The following CSMD2 variants were observed in gnomAD, a reference collection of about 807,000 sequenced individuals.
CSMD2 encodes the protein CUB and sushi domain-containing protein 2.
In CSMD2, 130 loss-of-function variants were observed where a neutral mutation model predicts 398.5. That is an observed-to-expected ratio of 0.33 (90% CI 0.28 to 0.38). The LOEUF (loss-of-function observed/expected upper bound fraction) is 0.38, where lower values mean the gene tolerates loss of function less well. CSMD2 is among the 10% of genes least tolerant of loss of function. The pLI, the probability that CSMD2 is intolerant of heterozygous loss-of-function variation, is 1.00. For synonymous variants in CSMD2, 1,828 were observed against 1,908.5 expected (o/e 0.96, Z 1.10); for missense variants, 3,829 against 4,764.9 (o/e 0.80, Z 5.78).
At chr1:33,837,579 G>C (rs528753403) in intron 6 of CSMD2, among the ~76,000 whole-genome samples, 2 of 152,272 alleles carry the variant, frequency 1.3e-5, no homozygotes, top group East Asian at 3.9e-4. Context: ...GCTGCTTCTC[G>C]TACTGTGCCC....
In CSMD2 at chr1:33,624,635, C is replaced by T. The variant is rs1308749310; in HGVS notation, c.5509G>A (p.Gly1837Arg). The part of the protein sequence containing the change: ...VSAPTCVVPC[G>R]GNLTERRGTI... ...CCCCTGCGCTCTGTGAGGTTGCCTC[C>T]ACACGGCACTGGGAGGAGAGGCCAT... Residue 1837 changes from glycine (G) to arginine (R), a missense_variant, in exon 35 of 71, where the codon GGA becomes AGA. This residue lies in a region of CSMD2 where 2,001 missense variants were observed against 2,567.1 expected (regional missense o/e 0.78). Transcript: ENST00000373381. This position sits in a 1 kb window ranked among gnomAD's most constrained non-coding sequence, Gnocchi z 4.7. The T allele has an allele frequency of 6.2e-7, 1 of 1,613,336 alleles. No homozygotes were observed. Among genetic ancestry groups the T allele is most frequent in the Non-Finnish European group, 8.5e-7 (1 of 1,179,514 alleles).
chr1:33,533,973 G>T lies in CSMD2; in HGVS notation c.9880-66C>A. 2 of 994,942 alleles carry T rather than the reference G, an allele frequency of 2.0e-6. No individual in the cohort carries two copies. Among genetic ancestry groups the T allele is most frequent in the Non-Finnish European group, 3.2e-6 (2 of 632,230 alleles). 61.6% of individuals were successfully genotyped at this position (994,942 alleles called of 1,614,324 possible). A position where few individuals can be genotyped will look rare whatever the true frequency, so the allele number is the denominator to read the frequency against. On this transcript the variant is annotated intron_variant, in intron 62 of 70. Coordinates refer to ENST00000373381, the MANE Select transcript of CSMD2 (RefSeq NM_001281956.2). This position sits in a 1 kb window ranked among gnomAD's most constrained non-coding sequence, Gnocchi z 4.2. ...GCGGTGCTTCCTACGTCTGTCCCTT[G>T]ACCACTTTCACATGGCCCAACTCCT...
At chr1:33,788,896 C>G (rs1424237099) in intron 11 of CSMD2, among the ~76,000 whole-genome samples, 184 bp from the exon 12 acceptor site, 1 of 152,192 alleles carries the variant, frequency 6.6e-6, no homozygotes, top group African/African-American at 2.4e-5. Flanking sequence ...GAAGACTCAT[C>G]CTGTCTTCCC....
intron 4 of CSMD2, among the ~76,000 whole-genome samples, chr1:33,924,505 G>A (rs1644057021): frequency 6.6e-6 from 1 of 152,130 alleles, no homozygotes; most frequent in African/African-American, 2.4e-5. Flanking sequence ...TAAACATGGG[G>A]TGCAGGTATC....
chr1:34,084,632 C>T (rs1334827120), intron 2 of CSMD2, among the ~76,000 whole-genome samples: 1 of 152,040 alleles, frequency 6.6e-6, no homozygotes, highest in East Asian at 1.9e-4. Context: ...TGAAAAAATG[C>T]TCACCATCAC....
chr1:33,819,888 C>T (rs759423799), intron 8 of CSMD2, 51 bp from the exon 9 acceptor site: 60 of 1,604,266 alleles, frequency 3.7e-5, no homozygotes, highest in Admixed American at 1.2e-4. Context: ...TGCCAAGCCC[C>T]GCCCCAAGTC....
chr1:33,981,018 C>T (rs966579668), intron 3 of CSMD2, among the ~76,000 whole-genome samples: 7 of 152,082 alleles, frequency 4.6e-5, no homozygotes, highest in South Asian at 2.1e-4. Flanking sequence ...ATAGACCAGG[C>T]GAACCAGTCT....
rs75653284 is a variant in CSMD2 at position 34,162,194 on chromosome 1, A to G, written c.187+2717T>C. On this transcript the variant is annotated intron_variant, in intron 1 of 70. Coordinates refer to ENST00000373381, the MANE Select transcript of CSMD2 (RefSeq NM_001281956.2). ...CCTCTCAAAAAAAAAAAAAAAAAAA[A>G]GGGAGGATGATTGATAGGGACAGCA... is the stretch of plus-strand genomic sequence containing the variant. Among the ~76,000 whole-genome samples the G allele has an allele frequency of 3.5e-3, 456 of 132,058 alleles. 3 individuals are homozygous for G. The highest frequency in any genetic ancestry group is 0.011 in the Middle Eastern group (3 of 264). 86.6% of individuals were successfully genotyped at this position (132,058 alleles called of 152,430 possible).
intron 3 of CSMD2, among the ~76,000 whole-genome samples, chr1:34,001,065 AAAGAGG>A (rs1283069785): frequency 6.6e-6 from 1 of 151,364 alleles, no homozygotes; most frequent in Non-Finnish European, 1.5e-5. Flanking sequence ...GAGGGAGAGA[AAAGAGG>A]AGGAAAAGGA....
chr1:34,155,924 G>A (rs1001969390), intron 1 of CSMD2, among the ~76,000 whole-genome samples: 10 of 152,158 alleles, frequency 6.6e-5, no homozygotes, highest in East Asian at 1.9e-4. Flanking sequence ...AAGATGAAAC[G>A]ATTGGCTTCT....
intron 3 of CSMD2, among the ~76,000 whole-genome samples, chr1:33,999,941 T>C (rs919295721): frequency 6.6e-5 from 10 of 152,192 alleles, no homozygotes; most frequent in Non-Finnish European, 4.4e-5. Flanking sequence ...AAAAGGGAGA[T>C]TTCTTTTTAA....
At chr1:33,933,263 G>A (rs1209144204) in intron 4 of CSMD2, among the ~76,000 whole-genome samples, 1 of 152,192 alleles carries the variant, frequency 6.6e-6, no homozygotes, top group Non-Finnish European at 1.5e-5. Flanking sequence ...CAGGGGTAGG[G>A]AGACAGGGCA....
intron 4 of CSMD2, among the ~76,000 whole-genome samples, chr1:33,933,665 C>T (rs1644380680): frequency 6.6e-6 from 1 of 152,174 alleles, no homozygotes; most frequent in Non-Finnish European, 1.5e-5. Flanking sequence ...GATACAGCAG[C>T]TTTCAGGCTG....
intron 11 of CSMD2, 140 bp from the exon 12 acceptor site, chr1:33,788,852 T>G: frequency 3.3e-6 from 2 of 614,882 alleles, no homozygotes; most frequent in Non-Finnish European, 2.9e-6. Context: ...TGTTTCTGAC[T>G]CTGGAGCCCA....
At chr1:33,784,722 G>A (rs991727278) in intron 12 of CSMD2, among the ~76,000 whole-genome samples, 17 of 152,206 alleles carry the variant, frequency 1.1e-4, no homozygotes, top group African/African-American at 3.4e-4. Flanking sequence ...GCCTGGCCTG[G>A]AGGACAAGAA....
chr1:34,018,080 GTTTC>G (rs1289117407), intron 3 of CSMD2, among the ~76,000 whole-genome samples: 3 of 152,038 alleles, frequency 2.0e-5, no homozygotes, highest in African/African-American at 4.8e-5. Context: ...CACGTCAACT[GTTTC>G]TTTTTTTATT....
intron 7 of CSMD2, among the ~76,000 whole-genome samples, chr1:33,823,925 T>C (rs1375936326): frequency 6.6e-6 from 1 of 152,146 alleles, no homozygotes; most frequent in Non-Finnish European, 1.5e-5. Context: ...CTGCATCCTG[T>C]CTCCAGAAAA....
At chr1:33,961,727 G>A (rs957121916) in intron 3 of CSMD2, among the ~76,000 whole-genome samples, 1 of 152,230 alleles carries the variant, frequency 6.6e-6, no homozygotes, top group Non-Finnish European at 1.5e-5. Flanking sequence ...GTTTAAAGGA[G>A]CCTGAAATCC....
intron 10 of CSMD2, among the ~76,000 whole-genome samples, chr1:33,801,239 T>C (rs1292769285): frequency 6.6e-6 from 1 of 152,202 alleles, no homozygotes; most frequent in Non-Finnish European, 1.5e-5. Flanking sequence ...CATTCTTTTC[T>C]AGCAAAGGTG....
Sources: gnomAD v4.1 joint callset for allele counts (sites outside exome capture counted in the v4.1 genomes callset) on GRCh38, gnomAD v4.1.1 for gene constraint, gnomAD v4.1.1 regional missense constraint, Gnocchi (gnomAD v3.1) non-coding constraint, MANE v1.5 for transcripts, NCBI Gene and HGNC (gene_info 2026-07-23, HGNC 2026-07-21) for gene names.